Variants in NECTIN1 observed in about 807,000 individuals in gnomAD.
NECTIN1 encodes nectin-1.
Under a neutral mutation model 48.0 loss-of-function variants are expected in NECTIN1, and 23 were observed. The ratio of observed to expected loss-of-function variants is 0.48; its 90% confidence interval spans 0.34 to 0.68. The LOEUF (loss-of-function observed/expected upper bound fraction) is 0.68. Among genes scored for constraint, NECTIN1 ranks in the 30% least tolerant of loss-of-function variants. NECTIN1 has a pLI of 0.01. For missense variants in NECTIN1, 591 were observed against 709.9 expected, an observed-to-expected ratio of 0.83 and a Z score of 1.90; for synonymous variants, 270 against 288.9, an observed-to-expected ratio of 0.93 and a Z score of 0.66.
At chr11:119,648,301 G>GC (rs1864433211) in intron 5 of NECTIN1, among the ~76,000 whole-genome samples, 1 of 12,918 alleles carries the variant, frequency 7.7e-5, no homozygotes, top group Non-Finnish European at 1.4e-4. Context: ...GGTGGTGGTG[G>GC]TGGTGATGGT....
chr11:119,638,276 A>G (rs772665014), intron 7 of NECTIN1: 2 of 1,613,278 alleles, frequency 1.2e-6, no homozygotes, highest in Non-Finnish European at 1.7e-6. Context: ...AGTGCTGCAC[A>G]GACCTTTCCA....
At position 119,662,849 on chromosome 11, in the gene NECTIN1, G is replaced by C; in HGVS notation, c.*1898C>G. 1.0e-6 allele frequency: 1 copy of C among 986,034 alleles called. No homozygotes were observed. The highest frequency in any genetic ancestry group is 4.7e-5 in the South Asian group (1 of 21,284). The allele number at this position is 986,034 out of a possible 1,614,324, so 61.1% of individuals were successfully genotyped here. On this transcript the variant is annotated 3_prime_UTR_variant, in exon 6 of 6. Transcript: ENST00000264025. The surrounding 1 kb of genome is among the most constrained non-coding windows in gnomAD (Gnocchi z 5.3). ...CTATCCAGTACCCCAAATGTGTAGAGGGGAGAGCCGCACCAGGGCTGGCAT... is the reference window on the plus strand; with the variant it reads ...CTATCCAGTACCCCAAATGTGTAGACGGGAGAGCCGCACCAGGGCTGGCAT...
At chr11:119,719,369 G>C (rs529236942) in intron 1 of NECTIN1, among the ~76,000 whole-genome samples, 1 of 152,170 alleles carries the variant, frequency 6.6e-6, no homozygotes. Flanking sequence ...TCTGCCACCC[G>C]CCAGGAAGAG....
intron 5 of NECTIN1, among the ~76,000 whole-genome samples, chr11:119,648,088 A>T (rs865865941): frequency 7.3e-4 from 98 of 133,628 alleles, no homozygotes; most frequent in African/African-American, 2.9e-3. Flanking sequence ...AAAAAAAAAA[A>T]AAGGGAGGAC....
At chr11:119,685,573 C>T (rs1009281176) in intron 1 of NECTIN1, among the ~76,000 whole-genome samples, 1 of 152,212 alleles carries the variant, frequency 6.6e-6, no homozygotes, top group Non-Finnish European at 1.5e-5. Context: ...CCTTCTCCCA[C>T]CAGGTGGCTG....
chr11:119,726,362 G>C (rs891194767), intron 1 of NECTIN1, among the ~76,000 whole-genome samples: 2 of 152,178 alleles, frequency 1.3e-5, no homozygotes, highest in African/African-American at 4.8e-5. Context: ...GTGGACCCTA[G>C]AGCAAGCAAG....
rs536541306 is a variant in NECTIN1, at chr11:119,672,891, G to A, written c.1003+2268C>T. 7.6e-4 allele frequency among the ~76,000 whole-genome samples: 115 copies of A among 152,280 alleles called. No homozygotes were observed. The highest frequency in any genetic ancestry group is 3.4e-3 in the Middle Eastern group (1 of 294). The stretch of plus-strand genomic sequence containing the variant: ...AGCGAGTCTGCGCAGGTGTGCAGTG[G>A]CCCAGCACACACGTGTTCTGCATAT... On this transcript the variant is annotated intron_variant, in intron 5 of 5. Coordinates refer to ENST00000264025, the MANE Select transcript of NECTIN1 (RefSeq NM_002855.5). This position sits in a 1 kb window ranked among gnomAD's most constrained non-coding sequence, Gnocchi z 4.3.
chr11:119,686,404 T>C (rs1031622910), intron 1 of NECTIN1, among the ~76,000 whole-genome samples: 6 of 152,048 alleles, frequency 3.9e-5, no homozygotes, highest in Non-Finnish European at 7.4e-5. Flanking sequence ...CATCATCCCT[T>C]CCCTAGTCCA....
intron 5 of NECTIN1, among the ~76,000 whole-genome samples, chr11:119,666,465 G>T (rs1864772938): frequency 6.6e-6 from 1 of 152,232 alleles, no homozygotes; most frequent in Non-Finnish European, 1.5e-5. Flanking sequence ...CCCTTCCCTT[G>T]CCTTACAGGG....
intron 1 of NECTIN1, among the ~76,000 whole-genome samples, chr11:119,705,764 C>T (rs1482012420): frequency 4.6e-5 from 7 of 152,320 alleles, no homozygotes; most frequent in East Asian, 3.9e-4. Flanking sequence ...CTGGTGGAGG[C>T]GACTGCAATC....
At chr11:119,643,312 T>TG (rs1418775130) in intron 5 of NECTIN1, among the ~76,000 whole-genome samples, 1 of 152,230 alleles carries the variant, frequency 6.6e-6, no homozygotes, top group African/African-American at 2.4e-5. Context: ...CAAGGCACTG[T>TG]GCCAGGTGCC....
intron 5 of NECTIN1, among the ~76,000 whole-genome samples, chr11:119,643,823 C>CG (rs930448880): frequency 5.9e-5 from 9 of 152,102 alleles, no homozygotes; most frequent in African/African-American, 2.2e-4. Context: ...GAATCAGTGT[C>CG]GGGGGGTGGG....
chr11:119,717,208 C>T (rs1865756805), intron 1 of NECTIN1, among the ~76,000 whole-genome samples: 1 of 152,208 alleles, frequency 6.6e-6, no homozygotes, highest in Non-Finnish European at 1.5e-5. Flanking sequence ...GCCACGAGGC[C>T]CATCATCTGA....
chr11:119,679,398 G>A (rs1047147775), intron 1 of NECTIN1, among the ~76,000 whole-genome samples: 3 of 152,128 alleles, frequency 2.0e-5, no homozygotes, highest in African/African-American at 4.8e-5. Flanking sequence ...CTTCTCCCTC[G>A]CAGCTGAGTC....
Position 119,675,322 on chromosome 11 carries a change from G to A in NECTIN1, c.852-12C>T. ...GAGAGCCATTTAGCCTGTGGGAAGTGGGAGACACAGCGTAGGGTTATGACT... is the reference window on the plus strand; with the variant it reads ...GAGAGCCATTTAGCCTGTGGGAAGTAGGAGACACAGCGTAGGGTTATGACT... On this transcript the variant is annotated splice_polypyrimidine_tract_variant and intron_variant, in intron 4 of 5. Coordinates refer to ENST00000264025, the MANE Select transcript of NECTIN1 (RefSeq NM_002855.5). The A allele has an allele frequency of 6.2e-7, 1 of 1,614,104 alleles. No homozygotes were observed. The highest frequency in any genetic ancestry group is 8.5e-7 in the Non-Finnish European group (1 of 1,180,000).
chr11:119,645,885 G>A (rs758729663), intron 5 of NECTIN1, among the ~76,000 whole-genome samples: 3 of 152,162 alleles, frequency 2.0e-5, no homozygotes, highest in Non-Finnish European at 4.4e-5. Context: ...ACTCAAAACC[G>A]AAGAAGTCAC....
At chr11:119,648,790 A>G (rs540722837) in intron 5 of NECTIN1, among the ~76,000 whole-genome samples, 1 of 151,130 alleles carries the variant, frequency 6.6e-6, no homozygotes, top group African/African-American at 2.4e-5. Context: ...CTGCACAGGG[A>G]CTCCCCACAC....
At chr11:119,645,497 C>T (rs879914576) in intron 5 of NECTIN1, among the ~76,000 whole-genome samples, 8 of 152,152 alleles carry the variant, frequency 5.3e-5, no homozygotes, top group Admixed American at 5.2e-4. Context: ...ACCTTGCAGG[C>T]TGGCAGGACT....
intron 5 of NECTIN1, among the ~76,000 whole-genome samples, chr11:119,666,758 G>A (rs1362952710): frequency 1.3e-5 from 2 of 152,182 alleles, no homozygotes; most frequent in African/African-American, 4.8e-5. Context: ...CTCACTCCAT[G>A]GGAATCATGC....
Sources: allele counts gnomAD v4.1 joint callset (sites outside exome capture counted in the v4.1 genomes callset), GRCh38; gene constraint gnomAD v4.1.1; non-coding constraint Gnocchi (gnomAD v3.1); transcripts MANE v1.5; gene names NCBI Gene and HGNC (gene_info 2026-07-23, HGNC 2026-07-21).